The following ZNF738 variants were observed in gnomAD, a reference collection of about 807,000 sequenced individuals.
The protein encoded by ZNF738 is zinc finger protein 738.
In ZNF738, 10 loss-of-function variants were observed where a neutral mutation model predicts 9.2. That is an observed-to-expected ratio of 1.09 (90% CI 0.67 to 1.85). The LOEUF (loss-of-function observed/expected upper bound fraction) is 1.85. ZNF738 is among the 40% of genes most tolerant of loss of function. The probability of loss-of-function intolerance (pLI) is 0.00; values close to 1 mark genes in which losing one functional copy is unlikely to be tolerated. For synonymous variants in ZNF738, 113 were observed against 94.5 expected (o/e 1.20, Z -1.14); for missense variants, 346 against 283.6 (o/e 1.22, Z -1.58).
Position 21,359,058 on chromosome 19 carries a change from C to G in ZNF738, c.-83C>G, listed in dbSNP as rs938854895. 15 of 872,864 alleles carry G rather than the reference C, an allele frequency of 1.7e-5. No homozygotes were observed. The highest frequency in any genetic ancestry group is 2.8e-5 in the Non-Finnish European group (14 of 508,220). 54.1% of individuals were successfully genotyped at this position (872,864 alleles called of 1,614,324 possible). On this transcript the variant is annotated 5_prime_UTR_variant, in exon 1 of 5. Coordinates refer to ENST00000683779, the MANE Select transcript of ZNF738 (RefSeq NM_001355237.2). ...CTTCACTGCTCTGTGTCCTCTGCTC[C>G]TAGAGGCCCAGCCTCTGGTCCTGTG...
chr19:21,364,708 G>A (rs1036323336), intron 2 of ZNF738, among the ~76,000 whole-genome samples: 19 of 151,068 alleles, frequency 1.3e-4, no homozygotes, highest in Admixed American at 7.9e-4. Flanking sequence ...AGAGCAGTCC[G>A]GAGGCCTACT....
chr19:21,369,709 C>G (rs1218330786), intron 2 of ZNF738, among the ~76,000 whole-genome samples: 1 of 151,968 alleles, frequency 6.6e-6, no homozygotes, highest in Non-Finnish European at 1.5e-5. Context: ...TCTGGGCTCT[C>G]TATTCTGTTG....
chr19:21,377,533 C>CACAA (rs1216331290), intron 4 of ZNF738: 2 of 554,176 alleles, frequency 3.6e-6, no homozygotes. Flanking sequence ...CACACACACA[C>CACAA]AAAATTTGTC....
chr19:21,359,116 G>A lies in ZNF738; in HGVS notation c.-25G>A, dbSNP rs777351263. ...GGTATTGGGAATCCACAGCTAAGAC[G>A]CCGGGACACCCTGGAAGCCTAGAAA... On this transcript the variant is annotated 5_prime_UTR_variant, in exon 1 of 5. Coordinates refer to ENST00000683779, the MANE Select transcript of ZNF738 (RefSeq NM_001355237.2). The A allele has an allele frequency of 6.8e-6, 7 of 1,022,218 alleles. No individual in the cohort carries two copies. Among genetic ancestry groups the A allele is most frequent in the South Asian group, 1.3e-5 (1 of 79,254 alleles). The allele number at this position is 1,022,218 out of a possible 1,614,324, so 63.3% of individuals were successfully genotyped here. A position where few individuals can be genotyped will look rare whatever the true frequency, so the allele number is the denominator to read the frequency against.
chr19:21,377,731 C>T (rs1008397172), intron 4 of ZNF738: 2 of 364,852 alleles, frequency 5.5e-6, no homozygotes, highest in Non-Finnish European at 9.7e-6. Flanking sequence ...TCTATCTTGC[C>T]ACCTTCAGTA....
chr19:21,378,104 CA>C (rs1208795926), intron 4 of ZNF738: 1 of 396,818 alleles, frequency 2.5e-6, no homozygotes, highest in Non-Finnish European at 4.4e-6. Flanking sequence ...TTGTTGCATG[CA>C]AAAATTTTTT....
chr19:21,381,123 A>G, intron 4 of ZNF738: 1 of 744,602 alleles, frequency 1.3e-6, no homozygotes, highest in Non-Finnish European at 2.3e-6. Flanking sequence ...ACAAGGCAGC[A>G]GCACATTAAG....
chr19:21,374,133 G>A (rs959049139), intron 2 of ZNF738, among the ~76,000 whole-genome samples: 4 of 150,064 alleles, frequency 2.7e-5, no homozygotes, highest in African/African-American at 9.8e-5. Flanking sequence ...TCCTTAGTAA[G>A]GATGGAGAAC....
Position 21,375,321 on chromosome 19 carries a change from T to TA in ZNF738, c.181dup (p.Arg61LysfsTer17), listed in dbSNP as rs1973912222. 9.3e-7 allele frequency: 1 copy of TA among 1,070,616 alleles called. No homozygotes were observed. The highest frequency in any genetic ancestry group is 1.5e-5 in the African/African-American group (1 of 64,606). The allele number at this position is 1,070,616 out of a possible 1,614,324, so 66.3% of individuals were successfully genotyped here. A position where few individuals can be genotyped will look rare whatever the true frequency, so the allele number is the denominator to read the frequency against. ...TGGACACTGCTCAGCAAGATTTGTA[T>TA]AGGAAAGTGATGTTAGAGAACTTCA... On this transcript the variant is annotated frameshift_variant, in exon 3 of 5. Coordinates refer to ENST00000683779, the MANE Select transcript of ZNF738 (RefSeq NM_001355237.2). LOFTEE classifies it high-confidence loss of function.
intron 2 of ZNF738, among the ~76,000 whole-genome samples, chr19:21,364,119 C>A (rs1168129840): frequency 7.1e-6 from 1 of 141,596 alleles, no homozygotes; most frequent in African/African-American, 2.6e-5. Flanking sequence ...AATGTTTGAA[C>A]CCGGGAGATG....
intron 4 of ZNF738, chr19:21,378,245 T>G (rs144628125): frequency 7.8e-5 from 26 of 335,018 alleles, no homozygotes; most frequent in African/African-American, 5.1e-4. Context: ...TAAAAATTTC[T>G]TCTGTGCCAT....
chr19:21,381,873 T>A (rs947718191), intron 4 of ZNF738: 2 of 277,362 alleles, frequency 7.2e-6, no homozygotes, highest in South Asian at 1.4e-4. Flanking sequence ...GGCTGCAGCT[T>A]CCTCTTGCTC....
At chr19:21,379,716 G>C (rs1973982563) in intron 4 of ZNF738, among the ~76,000 whole-genome samples, 1 of 151,544 alleles carries the variant, frequency 6.6e-6, no homozygotes, top group Admixed American at 6.6e-5. Flanking sequence ...TTTTTTTAAG[G>C]CCACATTTTT....
intron 2 of ZNF738, among the ~76,000 whole-genome samples, chr19:21,373,477 A>G (rs1973882255): frequency 6.6e-6 from 1 of 152,140 alleles, no homozygotes; most frequent in South Asian, 2.1e-4. Flanking sequence ...CCATATTTCC[A>G]TTACTGTAGC....
intron 4 of ZNF738, chr19:21,381,596 C>T (rs552134849): frequency 3.6e-6 from 2 of 561,842 alleles, no homozygotes; most frequent in African/African-American, 3.8e-5. Flanking sequence ...CGGGTTCACG[C>T]CATACTCCTG....
At chr19:21,369,143 A>G (rs1337853634) in intron 2 of ZNF738, among the ~76,000 whole-genome samples, 1 of 152,124 alleles carries the variant, frequency 6.6e-6, no homozygotes, top group African/African-American at 2.4e-5. Context: ...ACTCTGTCAC[A>G]TAGGATGGAA....
In ZNF738 at chr19:21,359,049, C is replaced by G; in HGVS notation, c.-92C>G. On this transcript the variant is annotated 5_prime_UTR_variant, in exon 1 of 5. Transcript: ENST00000683779. ...GGGTCTCGTCTTCACTGCTCTGTGT[C>G]CTCTGCTCCTAGAGGCCCAGCCTCT... The G allele has an allele frequency of 1.2e-6, 1 of 834,280 alleles. No homozygotes were observed. The highest frequency in any genetic ancestry group is 2.1e-6 in the Non-Finnish European group (1 of 473,602). The allele number at this position is 834,280 out of a possible 1,614,324, so 51.7% of individuals were successfully genotyped here.
rs1467961143 is a variant in ZNF738, at chr19:21,386,107, T to C, written c.*2433T>C. Among the ~76,000 whole-genome samples the C allele has an allele frequency of 6.6e-6, 1 of 152,224 alleles. No individual in the cohort carries two copies. Among genetic ancestry groups the C allele is most frequent in the Non-Finnish European group, 1.5e-5 (1 of 68,036 alleles). On this transcript the variant is annotated 3_prime_UTR_variant, in exon 5 of 5. Transcript: ENST00000683779. ...AGAGAAATTATACAAATGTGAAGAA[T>C]GTGGCAAAGCTTTTAAGAAATCCTC...
At chr19:21,365,492 G>A (rs1304593752) in intron 2 of ZNF738, among the ~76,000 whole-genome samples, 2 of 152,096 alleles carry the variant, frequency 1.3e-5, no homozygotes, top group Non-Finnish European at 2.9e-5. Context: ...TTCATCTTCT[G>A]TAACTACTTC....
Sources: gnomAD v4.1 joint callset for allele counts (sites outside exome capture counted in the v4.1 genomes callset) on GRCh38, gnomAD v4.1.1 for gene constraint, MANE v1.5 for transcripts, NCBI Gene and HGNC (gene_info 2026-07-23, HGNC 2026-07-21) for gene names.